The following ZC2HC1B variants were observed in gnomAD, a reference collection of about 807,000 sequenced individuals.
ZC2HC1B encodes the protein zinc finger C2HC domain-containing protein 1B.
Under a neutral mutation model 31.0 loss-of-function variants are expected in ZC2HC1B, and 36 were observed. The ratio of observed to expected loss-of-function variants is 1.16; its 90% confidence interval spans 0.89 to 1.54. The LOEUF (loss-of-function observed/expected upper bound fraction) is 1.54, where lower values mean the gene tolerates loss of function less well. ZC2HC1B is among the 40% of genes most tolerant of loss of function. The pLI is 0.00. For missense variants in ZC2HC1B, 260 were observed against 268.6 expected (o/e 0.97, Z 0.22); for synonymous variants, 73 against 88.0 (o/e 0.83, Z 0.95).
At chr6:143,936,391 G>A (rs1375653965) in intron 6 of ZC2HC1B, among the ~76,000 whole-genome samples, 1 of 152,210 alleles carries the variant, frequency 6.6e-6, no homozygotes, top group East Asian at 1.9e-4. Context: ...ATAGGAAGGA[G>A]CAGAGCTTTG....
chr6:143,937,514 ACACTCCCCCACCTCCCACC>A, intron 6 of ZC2HC1B, 116 bp from the exon 7 acceptor site: 1 of 471,222 alleles, frequency 2.1e-6, no homozygotes, highest in Non-Finnish European at 3.5e-6. Context: ...CCTCCCCACC[ACACTCCCCCACCTCCCACC>A]AAAAAAAAGG....
chr6:143,932,524 T>G (rs555351441), intron 6 of ZC2HC1B, among the ~76,000 whole-genome samples: 33 of 152,338 alleles, frequency 2.2e-4, no homozygotes, highest in African/African-American at 7.0e-4. Flanking sequence ...TTTTTCTTTA[T>G]GATATCTGTT....
rs1489147831 is a variant in ZC2HC1B, at chr6:143,917,118, T to C, written c.598+13966T>C. On this transcript the variant is annotated intron_variant, in intron 6 of 7. Coordinates refer to ENST00000237275, the MANE Select transcript of ZC2HC1B (RefSeq NM_001013623.3). This position sits in a 1 kb window ranked among gnomAD's most constrained non-coding sequence, Gnocchi z 4.1. ...TGGGGGCAAGTCTTTCCTGTGCTAT[T>C]CTCGTGATAGTGAGTAAGTCTCATG... 6.6e-6 allele frequency among the ~76,000 whole-genome samples: 1 copy of C among 152,154 alleles called. No homozygotes were observed. The highest frequency in any genetic ancestry group is 2.4e-5 in the African/African-American group (1 of 41,438).
chr6:143,933,123 A>T lies in ZC2HC1B; in HGVS notation c.599-4526A>T, dbSNP rs538097540. On this transcript the variant is annotated intron_variant, in intron 6 of 7. Coordinates refer to ENST00000237275, the MANE Select transcript of ZC2HC1B (RefSeq NM_001013623.3). This position sits in a 1 kb window ranked among gnomAD's most constrained non-coding sequence, Gnocchi z 6.4. ...GTGTTGTCTTTCTTGAATGCTGGTT[A>T]TGCTAGCAGCGAAGTTGTCATGTGG... is the stretch of plus-strand genomic sequence containing the variant. Among the ~76,000 whole-genome samples the T allele has an allele frequency of 6.6e-6, 1 of 152,154 alleles. No individual in the cohort carries two copies.
At chr6:143,875,267 C>A (rs1777391678) in intron 1 of ZC2HC1B, among the ~76,000 whole-genome samples, 1 of 152,112 alleles carries the variant, frequency 6.6e-6, no homozygotes, top group Non-Finnish European at 1.5e-5. Flanking sequence ...TTTTACAAGG[C>A]CTTGGTCAAG....
rs1180198098 is a variant in ZC2HC1B at position 143,864,549 on chromosome 6, G to T, written c.10G>T (p.Ala4Ser). The T allele has an allele frequency of 3.9e-6, 6 of 1,551,498 alleles. No individual in the cohort carries two copies. The highest frequency in any genetic ancestry group is 4.4e-6 in the Non-Finnish European group (5 of 1,146,946). Residue 4 changes from alanine (A) to serine (S), a missense_variant, in exon 1 of 8, where the codon GCA becomes TCA. Coordinates refer to ENST00000237275, the MANE Select transcript of ZC2HC1B (RefSeq NM_001013623.3). Reference sequence around the variant, plus strand: ...CTGAGTTAGGAACAGAATGGCTGGGGCAGAACCATTTTTGGCAGGTGAGCT... The same window carrying T: ...CTGAGTTAGGAACAGAATGGCTGGGTCAGAACCATTTTTGGCAGGTGAGCT... MAG[A>S]EPFLADGNQE...
chr6:143,886,737 G>A lies in ZC2HC1B; in HGVS notation c.265G>A (p.Ala89Thr). ...ACAACAACATGAAGACTTTATTAAT[G>A]CAATCCGATCAGCAAAGCAGTGTAT... Reference protein sequence around the residue: ...WRQQHEDFINAIRSAKQCMLA... With the variant: ...WRQQHEDFINTIRSAKQCMLA... The change falls in exon 4 of 8, where the codon GCA (alanine) becomes ACA (threonine). Residue 89 changes from alanine (A) to threonine (T), a missense_variant. By Grantham distance (58) the Ala-to-Thr change is moderately conservative (BLOSUM62 0). Coordinates refer to ENST00000237275, the MANE Select transcript of ZC2HC1B (RefSeq NM_001013623.3). This position sits in a 1 kb window ranked among gnomAD's most constrained non-coding sequence, Gnocchi z 4.2. 1 of 1,548,248 alleles carries A rather than the reference G, an allele frequency of 6.5e-7. No individual in the cohort carries two copies. The highest frequency in any genetic ancestry group is 8.7e-7 in the Non-Finnish European group (1 of 1,145,372).
chr6:143,882,516 G>A (rs775748566), intron 1 of ZC2HC1B, among the ~76,000 whole-genome samples: 1 of 151,408 alleles, frequency 6.6e-6, no homozygotes, highest in African/African-American at 2.4e-5. Context: ...TCTGTAGCAG[G>A]CTACCCATCT....
chr6:143,936,082 G>A (rs1380208961), intron 6 of ZC2HC1B, among the ~76,000 whole-genome samples: 1 of 152,126 alleles, frequency 6.6e-6, no homozygotes, highest in Non-Finnish European at 1.5e-5. Context: ...TAAGCATTTA[G>A]TATCTTGTAC....
At position 143,937,729 on chromosome 6, in the gene ZC2HC1B, G is replaced by A; in HGVS notation, c.*10G>A. On this transcript the variant is annotated 3_prime_UTR_variant, in exon 7 of 8. Transcript: ENST00000237275. ...TTCTAAAAAAGATTAACTCCTAGAA[G>A]CCAGGTAAGAAAAAAAAATCACCGC... 1 of 1,543,440 alleles carries A rather than the reference G, an allele frequency of 6.5e-7. No individual in the cohort carries two copies. Among genetic ancestry groups the A allele is most frequent in the Non-Finnish European group, 8.7e-7 (1 of 1,144,452 alleles).
chr6:143,913,423 C>T lies in ZC2HC1B; in HGVS notation c.598+10271C>T, dbSNP rs534171775. Among the ~76,000 whole-genome samples, 101 of 152,326 alleles carry T rather than the reference C, an allele frequency of 6.6e-4. No individual in the cohort carries two copies. Among genetic ancestry groups the T allele is most frequent in the African/African-American group, 2.3e-3 (94 of 41,570 alleles). On this transcript the variant is annotated intron_variant, in intron 6 of 7. Coordinates refer to ENST00000237275, the MANE Select transcript of ZC2HC1B (RefSeq NM_001013623.3). This position sits in a 1 kb window ranked among gnomAD's most constrained non-coding sequence, Gnocchi z 5.7. ...TCCATCCTGTCTCAGGCAGGCTCCGCCCTGTTGCTGATGGCTTACTGGAAT... is the reference window on the plus strand; with the variant it reads ...TCCATCCTGTCTCAGGCAGGCTCCGTCCTGTTGCTGATGGCTTACTGGAAT...
Position 143,870,273 on chromosome 6 carries a change from G to A in ZC2HC1B, c.28+5706G>A, listed in dbSNP as rs1777320208. Among the ~76,000 whole-genome samples the A allele has an allele frequency of 6.6e-6, 1 of 152,192 alleles. No homozygotes were observed. Among genetic ancestry groups the A allele is most frequent in the Non-Finnish European group, 1.5e-5 (1 of 68,026 alleles). On this transcript the variant is annotated intron_variant, in intron 1 of 7. Coordinates refer to ENST00000237275, the MANE Select transcript of ZC2HC1B (RefSeq NM_001013623.3). The surrounding 1 kb of genome is among the most constrained non-coding windows in gnomAD (Gnocchi z 4.7). ...TTCAGGGATGTCCTAGGAAGGGGCT[G>A]TCCTTCAGGGATGTCCTAGAAAGGC...
In ZC2HC1B at chr6:143,921,612, ACT is replaced by A. The variant is rs1777986727; in HGVS notation, c.599-16032_599-16031del. Among the ~76,000 whole-genome samples the A allele has an allele frequency of 6.6e-6, 1 of 152,158 alleles. No homozygotes were observed. The highest frequency in any genetic ancestry group is 2.4e-5 in the African/African-American group (1 of 41,438). On this transcript the variant is annotated intron_variant, in intron 6 of 7. Transcript: ENST00000237275. This position sits in a 1 kb window ranked among gnomAD's most constrained non-coding sequence, Gnocchi z 6.1. Reference sequence around the variant, plus strand: ...AGATGCTTTTTAAATTTAATTTCTTACTCTCTACTTGCTTAAGTAAAAAAATA... The same window carrying A: ...AGATGCTTTTTAAATTTAATTTCTTACTCTACTTGCTTAAGTAAAAAAATA...
rs1777248962 is a variant in ZC2HC1B at position 143,865,585 on chromosome 6, A to G, written c.28+1018A>G. ...GTTTTTCAGTCTCCTCTCGCAGGAC[A>G]AACCCTGAAGGCACAGTGTTTTATT... On this transcript the variant is annotated intron_variant, in intron 1 of 7. Transcript: ENST00000237275. The surrounding 1 kb of genome is among the most constrained non-coding windows in gnomAD (Gnocchi z 4.4). Among the ~76,000 whole-genome samples, 1 of 152,236 alleles carries G rather than the reference A, an allele frequency of 6.6e-6. No individual in the cohort carries two copies. Among genetic ancestry groups the G allele is most frequent in the Non-Finnish European group, 1.5e-5 (1 of 68,042 alleles).
At chr6:143,877,387 A>G (rs921249786) in intron 1 of ZC2HC1B, among the ~76,000 whole-genome samples, 23 of 133,648 alleles carry the variant, frequency 1.7e-4, no homozygotes, top group Non-Finnish European at 3.1e-5. Flanking sequence ...GGTTCAAGCT[A>G]TTCTCCTGCC....
At chr6:143,931,319 GATGTC>G (rs1377906451) in intron 6 of ZC2HC1B, among the ~76,000 whole-genome samples, 1 of 152,096 alleles carries the variant, frequency 6.6e-6, no homozygotes, top group East Asian at 1.9e-4. Context: ...TTATTTTTGA[GATGTC>G]AGGTACTGTT....
Position 143,924,530 on chromosome 6 carries a change from A to C in ZC2HC1B, c.599-13119A>C, listed in dbSNP as rs997138763. On this transcript the variant is annotated intron_variant, in intron 6 of 7. Coordinates refer to ENST00000237275, the MANE Select transcript of ZC2HC1B (RefSeq NM_001013623.3). This position sits in a 1 kb window ranked among gnomAD's most constrained non-coding sequence, Gnocchi z 5.2. ...GGACTTCCAGTACTATGTTGAATAA[A>C]AGTGATGACCCTATCTCTAAATAAA... 6.6e-6 allele frequency among the ~76,000 whole-genome samples: 1 copy of C among 152,094 alleles called. No homozygotes were observed. The highest frequency in any genetic ancestry group is 2.4e-5 in the African/African-American group (1 of 41,418).
In ZC2HC1B at chr6:143,885,861, A is replaced by T. The variant is rs1562339296; in HGVS notation, c.91-171A>T. On this transcript the variant is annotated intron_variant, in intron 2 of 7. Transcript: ENST00000237275. This position sits in a 1 kb window ranked among gnomAD's most constrained non-coding sequence, Gnocchi z 4.2. Reference sequence around the variant, plus strand: ...TCAAGCACAATATCTAGTTATATGTAACATGGATGAGAAGAGCCAGATGGA... The same window carrying T: ...TCAAGCACAATATCTAGTTATATGTTACATGGATGAGAAGAGCCAGATGGA... Among the ~76,000 whole-genome samples the T allele has an allele frequency of 6.6e-6, 1 of 152,226 alleles. No individual in the cohort carries two copies. Among genetic ancestry groups the T allele is most frequent in the Non-Finnish European group, 1.5e-5 (1 of 68,036 alleles).
Position 143,886,741 on chromosome 6 carries a change from T to G in ZC2HC1B, c.269T>G (p.Ile90Ser). The change falls in exon 4 of 8, where the codon ATC becomes AGC. Residue 90 changes from isoleucine (I) to serine (S), a missense_variant. Coordinates refer to ENST00000237275, the MANE Select transcript of ZC2HC1B (RefSeq NM_001013623.3). The surrounding 1 kb of genome is among the most constrained non-coding windows in gnomAD (Gnocchi z 4.2). Reference sequence around the variant, plus strand: ...CAACATGAAGACTTTATTAATGCAATCCGATCAGCAAAGCAGTGTATGCTA... The same window carrying G: ...CAACATGAAGACTTTATTAATGCAAGCCGATCAGCAAAGCAGTGTATGCTA... ...RQQHEDFINA[I>S]RSAKQCMLAI... The G allele has an allele frequency of 6.5e-7, 1 of 1,548,982 alleles. No individual in the cohort carries two copies. Among genetic ancestry groups the G allele is most frequent in the Non-Finnish European group, 8.7e-7 (1 of 1,145,684 alleles).
Sources: gnomAD v4.1 joint callset for allele counts (sites outside exome capture counted in the v4.1 genomes callset) on GRCh38, gnomAD v4.1.1 for gene constraint, Gnocchi (gnomAD v3.1) non-coding constraint, MANE v1.5 for transcripts, NCBI Gene and HGNC (gene_info 2026-07-23, HGNC 2026-07-21) for gene names.